Variants in PACS1 observed in about 807,000 individuals in gnomAD.
The protein encoded by PACS1 is phosphofurin acidic cluster sorting protein 1.
PACS1 carries 24 observed loss-of-function variants against 115.0 expected under a neutral mutation model. That is an observed-to-expected ratio of 0.21 (90% CI 0.15 to 0.29). PACS1 has a LOEUF of 0.29. Among genes scored for constraint, PACS1 ranks in the 10% least tolerant of loss-of-function variants. PACS1 has a pLI of 1.00. For synonymous variants in PACS1, 453 were observed against 504.5 expected, an observed-to-expected ratio of 0.90 and a Z score of 1.37; for missense variants, 838 against 1,251.2, an observed-to-expected ratio of 0.67 and a Z score of 4.98.
At chr11:66,220,554 A>C in intron 8 of PACS1, 77 bp from the exon 9 acceptor site, 1 of 1,410,132 alleles carries the variant, frequency 7.1e-7, no homozygotes, top group Non-Finnish European at 1.0e-6. Context: ...AGGGCAGCCC[A>C]GGAGAAAGGA....
intron 1 of PACS1, among the ~76,000 whole-genome samples, chr11:66,106,988 AC>A (rs1184142551): frequency 6.6e-6 from 1 of 152,174 alleles, no homozygotes; most frequent in African/African-American, 2.4e-5. Flanking sequence ...GCAGCACAAA[AC>A]AAAGTACTAA....
At chr11:66,207,373 A>G (rs1206892603) in intron 2 of PACS1, among the ~76,000 whole-genome samples, 1 of 152,148 alleles carries the variant, frequency 6.6e-6, no homozygotes, top group Admixed American at 6.5e-5. Context: ...AGGCTAAGGC[A>G]AGAGAGTCGC....
At chr11:66,100,753 T>C in intron 1 of PACS1, 5 of 455,964 alleles carry the variant, frequency 1.1e-5, no homozygotes, top group South Asian at 7.7e-5. Context: ...TAGAATCTTG[T>C]GCAGTCTCCC....
intron 1 of PACS1, among the ~76,000 whole-genome samples, chr11:66,126,684 T>TGGGGGTGGGGATGA (rs1858582022): frequency 1.3e-5 from 1 of 76,066 alleles, no homozygotes; most frequent in African/African-American, 5.3e-5. Flanking sequence ...TTGTCCTAGG[T>TGGGGGTGGGGATGA]GGGGGTGGGG....
At chr11:66,152,011 T>A (rs1270627244) in intron 1 of PACS1, among the ~76,000 whole-genome samples, 1 of 152,106 alleles carries the variant, frequency 6.6e-6, no homozygotes, top group Non-Finnish European at 1.5e-5. Flanking sequence ...GGCAGCAGGA[T>A]CACTTGAGCT....
At chr11:66,102,552 TGACCTCAA>T (rs1477527536) in intron 1 of PACS1, among the ~76,000 whole-genome samples, 1 of 152,054 alleles carries the variant, frequency 6.6e-6, no homozygotes, top group Non-Finnish European at 1.5e-5. Flanking sequence ...CTGGGATTCC[TGACCTCAA>T]GTGATCTGTC....
chr11:66,208,350 G>T (rs1479903510), intron 2 of PACS1, among the ~76,000 whole-genome samples: 1 of 152,136 alleles, frequency 6.6e-6, no homozygotes, highest in Non-Finnish European at 1.5e-5. Flanking sequence ...TGAGTGTGGG[G>T]CTCAAATCTG....
intron 1 of PACS1, among the ~76,000 whole-genome samples, chr11:66,082,579 A>G (rs1343040769): frequency 6.6e-6 from 1 of 152,196 alleles, no homozygotes; most frequent in Non-Finnish European, 1.5e-5. Context: ...TTTGCGCATC[A>G]GGCCGGGCGC....
chr11:66,164,581 T>C (rs1438491687), intron 1 of PACS1, among the ~76,000 whole-genome samples: 3 of 145,616 alleles, frequency 2.1e-5, no homozygotes, highest in African/African-American at 5.0e-5. Flanking sequence ...ATATATTTTA[T>C]ATATGTATTA....
At chr11:66,170,161 G>A (rs1022631590) in intron 1 of PACS1, among the ~76,000 whole-genome samples, 2 of 150,506 alleles carry the variant, frequency 1.3e-5, no homozygotes, top group African/African-American at 5.0e-5. Flanking sequence ...TCTGGAGTAT[G>A]CTCCTTGAAA....
intron 2 of PACS1, among the ~76,000 whole-genome samples, chr11:66,196,040 T>G (rs1406136801): frequency 6.6e-6 from 1 of 152,144 alleles, no homozygotes; most frequent in Non-Finnish European, 1.5e-5. Context: ...CAGAGGTCAT[T>G]GTGTTGTTTA....
intron 1 of PACS1, among the ~76,000 whole-genome samples, chr11:66,166,367 G>A (rs1432504998): frequency 2.0e-5 from 3 of 152,086 alleles, no homozygotes; most frequent in South Asian, 2.1e-4. Context: ...AGGCTCTCTC[G>A]AACTCCTGAC....
At chr11:66,115,005 G>C (rs1387636300) in intron 1 of PACS1, among the ~76,000 whole-genome samples, 1 of 151,594 alleles carries the variant, frequency 6.6e-6, no homozygotes, top group East Asian at 1.9e-4. Context: ...AGGAGTCAGA[G>C]ACCAGCCTGG....
rs74309180 is a variant in PACS1, at chr11:66,169,055, C to CA, written c.357-24428dup. ...TTTGCTTTTAGCTGAACAGCCTTCTCAAATAGCTAGTCTTGACAACAGTAT... is the reference window on the plus strand; with the variant it reads ...TTTGCTTTTAGCTGAACAGCCTTCTCAAAATAGCTAGTCTTGACAACAGTAT... On this transcript the variant is annotated intron_variant, in intron 1 of 23. Transcript: ENST00000320580. 8.4e-3 allele frequency among the ~76,000 whole-genome samples: 1,267 copies of CA among 150,526 alleles called. 97 individuals are homozygous for CA. In the East Asian group the frequency reaches 0.17, roughly 20 times the overall value.
At chr11:66,162,843 A>G (rs964402767) in intron 1 of PACS1, among the ~76,000 whole-genome samples, 1 of 152,236 alleles carries the variant, frequency 6.6e-6, no homozygotes, top group African/African-American at 2.4e-5. Context: ...TTTTATCCGC[A>G]GTAAATGTGG....
Position 66,189,469 on chromosome 11 carries a change from A to G in PACS1, c.357-4017A>G, listed in dbSNP as rs540824015. Among the ~76,000 whole-genome samples, 3 of 152,286 alleles carry G rather than the reference A, an allele frequency of 2.0e-5. No homozygotes were observed. In the East Asian group the frequency reaches 5.8e-4, roughly 29 times the overall value. ...TAACATAATTCTGCCATATTATCCT[A>G]TGATGTTTTATATGTTATGTAAGAG... On this transcript the variant is annotated intron_variant, in intron 1 of 23. Transcript: ENST00000320580.
At chr11:66,220,187 G>C (rs990322199) in intron 8 of PACS1, 4 of 327,528 alleles carry the variant, frequency 1.2e-5, no homozygotes, top group African/African-American at 8.4e-5. Flanking sequence ...GGTCAGCCCT[G>C]GAATAACCAG....
chr11:66,178,353 T>C (rs181058222), intron 1 of PACS1, among the ~76,000 whole-genome samples: 2 of 152,322 alleles, frequency 1.3e-5, no homozygotes, highest in African/African-American at 4.8e-5. Flanking sequence ...CCGTACTGGA[T>C]GTGTTCTATT....
intron 1 of PACS1, among the ~76,000 whole-genome samples, chr11:66,161,171 C>G (rs1030522187): frequency 2.0e-5 from 3 of 152,144 alleles, no homozygotes; most frequent in Non-Finnish European, 4.4e-5. Flanking sequence ...TCATCAGCCT[C>G]TGAAATAGAG....
Sources: allele counts gnomAD v4.1 joint callset (sites outside exome capture counted in the v4.1 genomes callset), GRCh38; gene constraint gnomAD v4.1.1; transcripts MANE v1.5; gene names NCBI Gene and HGNC (gene_info 2026-07-23, HGNC 2026-07-21).